OLFM3: variants seen among roughly 807,000 people sequenced by gnomAD.
OLFM3 encodes the protein noelin-3.
In OLFM3, 20 loss-of-function variants were observed where a neutral mutation model predicts 48.6. That is an observed-to-expected ratio of 0.41 (90% confidence interval 0.29 to 0.60). OLFM3 has a LOEUF of 0.60. OLFM3 is among the 20% of genes least tolerant of loss of function. OLFM3 has a pLI of 0.28. For synonymous variants in OLFM3, 222 were observed against 198.1 expected, an observed-to-expected ratio of 1.12 and a Z score of -1.01; for missense variants, 437 against 544.3, an observed-to-expected ratio of 0.80 and a Z score of 1.96.
At chr1:101,969,731 G>A (rs116801960) in intron 1 of OLFM3, among the ~76,000 whole-genome samples, 1 of 151,662 alleles carries the variant, frequency 6.6e-6, no homozygotes, top group African/African-American at 2.4e-5. Flanking sequence ...TCCCTCTTTG[G>A]GCTTTTTTTC....
At chr1:101,911,675 G>A (rs984326663) in intron 1 of OLFM3, among the ~76,000 whole-genome samples, 1 of 152,090 alleles carries the variant, frequency 6.6e-6, no homozygotes, top group South Asian at 2.1e-4. Context: ...GTTTTAAGGG[G>A]CTAATACATG....
chr1:101,885,826 C>A (rs1657733055), intron 1 of OLFM3, among the ~76,000 whole-genome samples: 1 of 152,010 alleles, frequency 6.6e-6, no homozygotes, highest in African/African-American at 2.4e-5. Flanking sequence ...ATGTGCCAAT[C>A]AATGCTTTAT....
intron 1 of OLFM3, chr1:101,910,282 C>G (rs1658707009): frequency 9.8e-6 from 2 of 203,368 alleles, no homozygotes; most frequent in East Asian, 1.9e-4. Flanking sequence ...CTGGCTAACA[C>G]GCTGAAACCC....
At chr1:101,846,588 T>C (rs1656005887) in intron 1 of OLFM3, among the ~76,000 whole-genome samples, 2 of 152,078 alleles carry the variant, frequency 1.3e-5, no homozygotes, top group South Asian at 4.1e-4. Flanking sequence ...CCAAGTAATA[T>C]AGTTAAAGCT....
At chr1:101,988,336 G>A (rs1661308591) in intron 1 of OLFM3, among the ~76,000 whole-genome samples, 1 of 152,054 alleles carries the variant, frequency 6.6e-6, no homozygotes, top group Non-Finnish European at 1.5e-5. Context: ...ATGAAACACA[G>A]ATAATTCACA....
intron 1 of OLFM3, among the ~76,000 whole-genome samples, chr1:101,906,179 G>C (rs1360998): frequency 6.6e-6 from 1 of 151,354 alleles, no homozygotes; most frequent in African/African-American, 2.4e-5. Context: ...GCCTTTTATA[G>C]CTCCAGTTTT....
At chr1:101,909,464 TTC>T (rs1192285416) in intron 1 of OLFM3, among the ~76,000 whole-genome samples, 2 of 152,216 alleles carry the variant, frequency 1.3e-5, no homozygotes, top group Admixed American at 1.3e-4. Flanking sequence ...ATAGATTATA[TTC>T]TGTTTGGGCT....
chr1:101,915,017 G>C (rs1317244713), intron 1 of OLFM3, among the ~76,000 whole-genome samples: 1 of 152,048 alleles, frequency 6.6e-6, no homozygotes, highest in Non-Finnish European at 1.5e-5. Flanking sequence ...TATATTTCAA[G>C]TAAAGTCAGC....
chr1:101,827,319 A>AT (rs756938634), intron 3 of OLFM3, among the ~76,000 whole-genome samples: 7,678 of 146,388 alleles, frequency 0.052, 332 homozygotes, highest in South Asian at 0.19. Context: ...CAGAGGAAGA[A>AT]TTTTTTTTTT....
intron 1 of OLFM3, among the ~76,000 whole-genome samples, chr1:101,881,232 TA>T (rs1449544860): frequency 6.6e-6 from 1 of 151,894 alleles, no homozygotes; most frequent in Non-Finnish European, 1.5e-5. Flanking sequence ...TTTAGCCTAT[TA>T]AGTTTTTATT....
Position 101,830,090 on chromosome 1 carries a change from G to T in OLFM3, c.372+582C>A, listed in dbSNP as rs184525559. Among the ~76,000 whole-genome samples, 392 of 151,952 alleles carry T rather than the reference G, an allele frequency of 2.6e-3. 6 individuals are homozygous for T. Among genetic ancestry groups the T allele is most frequent in the Admixed American group, 0.019 (286 of 15,250 alleles). The stretch of plus-strand genomic sequence containing the variant: ...CCTGACCTTGTGATCTGCCCACCTC[G>T]GCCTCCCAAAGTGCTAGGATTACAG... On this transcript the variant is annotated intron_variant, in intron 3 of 5. Coordinates refer to ENST00000370103, the MANE Select transcript of OLFM3 (RefSeq NM_058170.4).
At chr1:101,972,567 A>T (rs1000467811) in intron 1 of OLFM3, among the ~76,000 whole-genome samples, 3 of 152,202 alleles carry the variant, frequency 2.0e-5, no homozygotes, top group Non-Finnish European at 2.9e-5. Flanking sequence ...TCGGATAAGA[A>T]CATTGAGTCC....
chr1:101,910,513 A>G (rs1279013572), intron 1 of OLFM3, among the ~76,000 whole-genome samples: 1 of 121,464 alleles, frequency 8.2e-6, no homozygotes, highest in Admixed American at 7.7e-5. Context: ...CATTCTAAAT[A>G]GACTAAAGAG....
chr1:101,977,224 T>C (rs949851349), intron 1 of OLFM3, among the ~76,000 whole-genome samples: 1 of 152,174 alleles, frequency 6.6e-6, no homozygotes, highest in Non-Finnish European at 1.5e-5. Context: ...ATTCAAAACA[T>C]TTTCCCCATA....
rs181127132 is a variant in OLFM3, at chr1:101,991,488, A to G, written c.69+5260T>C. ...TAGTACAAAAATTGAAGCTTTAAAAATAATTGCCAGTCTAAAATCCTCAAG... is the reference window on the plus strand; with the variant it reads ...TAGTACAAAAATTGAAGCTTTAAAAGTAATTGCCAGTCTAAAATCCTCAAG... On this transcript the variant is annotated intron_variant, in intron 1 of 5. Coordinates refer to ENST00000370103, the MANE Select transcript of OLFM3 (RefSeq NM_058170.4). Among the ~76,000 whole-genome samples, 169 of 152,248 alleles carry G rather than the reference A, an allele frequency of 1.1e-3. 1 individual carries two copies. Among genetic ancestry groups the G allele is most frequent in the African/African-American group, 3.8e-3 (159 of 41,546 alleles).
At chr1:101,834,496 T>A (rs954927386) in intron 2 of OLFM3, among the ~76,000 whole-genome samples, 1 of 152,222 alleles carries the variant, frequency 6.6e-6, no homozygotes, top group Admixed American at 6.5e-5. Context: ...GTGCCTTGGA[T>A]ATATGTGAAA....
At chr1:101,937,454 C>A (rs943697718) in intron 1 of OLFM3, among the ~76,000 whole-genome samples, 4 of 152,146 alleles carry the variant, frequency 2.6e-5, no homozygotes, top group Non-Finnish European at 5.9e-5. Context: ...GGGAGGGCCC[C>A]GGTGGGAGGT....
intron 1 of OLFM3, among the ~76,000 whole-genome samples, chr1:101,949,663 G>A (rs898023448): frequency 1.3e-5 from 2 of 152,152 alleles, no homozygotes; most frequent in East Asian, 3.9e-4. Context: ...TGGCGCGGTG[G>A]CTCACGCCTG....
chr1:101,880,231 A>T (rs1391781580), intron 1 of OLFM3, among the ~76,000 whole-genome samples: 4 of 151,832 alleles, frequency 2.6e-5, no homozygotes, highest in Non-Finnish European at 4.4e-5. Flanking sequence ...GCTGGTCTCA[A>T]ATGACCCTCC....
Sources: allele counts gnomAD v4.1 joint callset (sites outside exome capture counted in the v4.1 genomes callset), GRCh38; gene constraint gnomAD v4.1.1; transcripts MANE v1.5; gene names NCBI Gene and HGNC (gene_info 2026-07-23, HGNC 2026-07-21).